The following PLEKHM2 variants were observed in gnomAD, a reference collection of about 807,000 sequenced individuals.
PLEKHM2 encodes the protein pleckstrin homology domain-containing family M member 2.
PLEKHM2 carries 77 observed loss-of-function variants against 116.3 expected under a neutral mutation model. That is an observed-to-expected ratio of 0.66 (90% CI 0.55 to 0.80). PLEKHM2 has a LOEUF of 0.80. Ranked by LOEUF, PLEKHM2 falls within the 30% of genes least tolerant of loss-of-function variation. The pLI, the probability that PLEKHM2 is intolerant of heterozygous loss-of-function variation, is 0.00. For synonymous variants in PLEKHM2, 562 were observed against 571.0 expected, an observed-to-expected ratio of 0.98 and a Z score of 0.22; for missense variants, 1,183 against 1,354.9, an observed-to-expected ratio of 0.87 and a Z score of 1.99.
intron 1 of PLEKHM2, among the ~76,000 whole-genome samples, chr1:15,710,590 G>T (rs1272904736): frequency 6.6e-6 from 1 of 152,030 alleles, no homozygotes; most frequent in East Asian, 2.0e-4. Flanking sequence ...GCCTCCCAAG[G>T]TGCTGGGATT....
intron 8 of PLEKHM2, 82 bp from the exon 9 acceptor site, chr1:15,726,932 C>A: frequency 1.1e-6 from 1 of 895,600 alleles, no homozygotes; most frequent in Non-Finnish European, 1.7e-6. Flanking sequence ...ACATGGCCAG[C>A]ATTGCCACCG....
chr1:15,716,413 C>T (rs1641447892), intron 2 of PLEKHM2, 70 bp downstream of exon 2: 1 of 946,464 alleles, frequency 1.1e-6, no homozygotes. Flanking sequence ...ACAGAGAAAC[C>T]CTTAGCCTCT....
At chr1:15,710,291 A>G (rs969585173) in intron 1 of PLEKHM2, among the ~76,000 whole-genome samples, 8 of 151,962 alleles carry the variant, frequency 5.3e-5, no homozygotes, top group African/African-American at 1.9e-4. Context: ...TTTGATTAAA[A>G]TAATGTACTA....
At position 15,733,896 on chromosome 1, in the gene PLEKHM2, C is replaced by G. The variant is rs747320288; in HGVS notation, c.3022C>G (p.Leu1008Val). ...CAGCGCCTGGCAGCGGAGCGACAGT[C>G]TCTGCCGCGGCCGAGCCTCCCGAGA... is the stretch of plus-strand genomic sequence containing the variant. ...IHSAWQRSDSLCRGRASRDPW... is the reference protein window; with the variant it reads ...IHSAWQRSDSVCRGRASRDPW... The change falls in exon 20 of 20, where the codon CTC becomes GTC. Residue 1008 changes from leucine to valine, a missense_variant. Around this residue, in one of 3 missense-constraint regions of PLEKHM2, gnomAD observed 594 missense variants for 720.1 expected, o/e 0.82. Coordinates refer to ENST00000375799, the MANE Select transcript of PLEKHM2 (RefSeq NM_015164.4). 1.9e-6 allele frequency: 3 copies of G among 1,612,760 alleles called. No individual in the cohort carries two copies.
At chr1:15,707,536 C>T (rs1420265985) in intron 1 of PLEKHM2, among the ~76,000 whole-genome samples, 1 of 152,200 alleles carries the variant, frequency 6.6e-6, no homozygotes, top group African/African-American at 2.4e-5. Flanking sequence ...TGGAGGTGGT[C>T]CCCTAGCCAC....
chr1:15,710,144 G>C (rs576405132), intron 1 of PLEKHM2, among the ~76,000 whole-genome samples: 1 of 149,230 alleles, frequency 6.7e-6, no homozygotes, highest in Non-Finnish European at 1.5e-5. Context: ...GGAGAATGGC[G>C]TAAACCTGGG....
upstream of PLEKHM2, chr1:15,682,939 T>C (rs372893127): frequency 1.3e-5 from 2 of 152,262 alleles, no homozygotes; most frequent in African/African-American, 2.4e-5. Flanking sequence ...GACTGACACC[T>C]CTAAGTGCAG....
intron 1 of PLEKHM2, among the ~76,000 whole-genome samples, chr1:15,686,847 C>T (rs1383738927): frequency 6.6e-6 from 1 of 152,024 alleles, no homozygotes; most frequent in East Asian, 1.9e-4. Flanking sequence ...GACGGGGTTT[C>T]ACCATGTTAA....
At position 15,716,770 on chromosome 1, in the gene PLEKHM2, C is replaced by A; in HGVS notation, c.231C>A (p.Ile77=). Residue 77 remains isoleucine, a synonymous_variant, in exon 3 of 20, where the codon ATC becomes ATA. Transcript: ENST00000375799. The part of the protein sequence containing the change: ...LVVHFTRREA[I]KQIEVLQHVA... ...TGCATTTTACTCGGAGAGAGGCCATCAAGCAGATCGAGGTGCTGCAGCACG... is the reference window on the plus strand; with the variant it reads ...TGCATTTTACTCGGAGAGAGGCCATAAAGCAGATCGAGGTGCTGCAGCACG... 6.3e-7 allele frequency: 1 copy of A among 1,577,902 alleles called. No individual in the cohort carries two copies. Among genetic ancestry groups the A allele is most frequent in the Non-Finnish European group, 8.6e-7 (1 of 1,161,678 alleles).
chr1:15,708,249 G>A lies in PLEKHM2; in HGVS notation c.61-7988G>A, dbSNP rs549547502. ...TTTTTCTTTTTTTTTATGGAGTCTC[G>A]CTCTGTCGCCAGGCTGGAGTGCAGT... On this transcript the variant is annotated intron_variant, in intron 1 of 19. Transcript: ENST00000375799. 5.4e-5 allele frequency among the ~76,000 whole-genome samples: 8 copies of A among 148,016 alleles called. No homozygotes were observed. In the East Asian group the frequency reaches 1.4e-3, roughly 27 times the overall value.
At chr1:15,707,475 C>G (rs991229495) in intron 1 of PLEKHM2, among the ~76,000 whole-genome samples, 2 of 152,166 alleles carry the variant, frequency 1.3e-5, no homozygotes, top group Admixed American at 1.3e-4. Context: ...ACAGGTGACA[C>G]GTGAGCCGAT....
At chr1:15,692,481 C>T (rs750408835) in intron 1 of PLEKHM2, among the ~76,000 whole-genome samples, 6 of 152,166 alleles carry the variant, frequency 3.9e-5, no homozygotes, top group Non-Finnish European at 5.9e-5. Flanking sequence ...GTCCCTAACC[C>T]GGAAACCATG....
In PLEKHM2 at chr1:15,727,154, GGCGGGACTCGCCAGACACTAT is replaced by G. The variant is rs771085542; in HGVS notation, c.1085_1105del (p.Arg362_Met368del). The G allele has an allele frequency of 3.5e-5, 56 of 1,598,712 alleles. No individual in the cohort carries two copies. The highest frequency in any genetic ancestry group is 4.7e-5 in the Non-Finnish European group (55 of 1,172,222). ...AGCCGCAACGGCAGCCCAAGCCTTG[GGCGGGACTCGCCAGACACTAT>G]GCTTGCCTCCCCCCAGGAGGAGGGA... On this transcript the variant is annotated inframe_deletion, in exon 9 of 20. Transcript: ENST00000375799. The surrounding 1 kb of genome is among the most constrained non-coding windows in gnomAD (Gnocchi z 7.5).
chr1:15,731,051 C>A, intron 15 of PLEKHM2, 141 bp from the exon 16 acceptor site: 1 of 685,268 alleles, frequency 1.5e-6, no homozygotes, highest in South Asian at 1.6e-5. Context: ...ACCCTGCCTT[C>A]CGTAGATGAC....
chr1:15,707,488 G>T (rs954824479), intron 1 of PLEKHM2, among the ~76,000 whole-genome samples: 1 of 152,198 alleles, frequency 6.6e-6, no homozygotes, highest in African/African-American at 2.4e-5. Flanking sequence ...GAGCCGATGG[G>T]AGTGGCTGTG....
At chr1:15,698,527 CTTTTTCTTTCTTTCTTTCTTTCTTT>C (rs1294433140) in intron 1 of PLEKHM2, among the ~76,000 whole-genome samples, 4 of 142,934 alleles carry the variant, frequency 2.8e-5, no homozygotes, top group Non-Finnish European at 6.0e-5. Flanking sequence ...GTTTTTCTTT[CTTTTTCTTTCTTTCTTTCTTTCTTT>C]TTTTTTTTTT....
In PLEKHM2 at chr1:15,729,776, C is replaced by G. The variant is rs184406223; in HGVS notation, c.2076-21C>G. The G allele has an allele frequency of 1.8e-5, 29 of 1,602,016 alleles. No individual in the cohort carries two copies. In the East Asian group the frequency reaches 6.3e-4, roughly 35 times the overall value. ...GGCCCTGTTCCCAGGCCTCTAACCA[C>G]AAACCTCACTCCCTATGCAGGTTCT... On this transcript the variant is annotated intron_variant, in intron 13 of 19. Coordinates refer to ENST00000375799, the MANE Select transcript of PLEKHM2 (RefSeq NM_015164.4). The surrounding 1 kb of genome is among the most constrained non-coding windows in gnomAD (Gnocchi z 4.7).
In PLEKHM2 at chr1:15,725,346, C is replaced by G; in HGVS notation, c.742C>G (p.Pro248Ala). 1 of 1,551,188 alleles carries G rather than the reference C, an allele frequency of 6.4e-7. No individual in the cohort carries two copies. The highest frequency in any genetic ancestry group is 8.7e-7 in the Non-Finnish European group (1 of 1,146,880). Residue 248 changes from proline to alanine, a missense_variant, in exon 8 of 20, where the codon CCC (proline) becomes GCC (alanine). Coordinates refer to ENST00000375799, the MANE Select transcript of PLEKHM2 (RefSeq NM_015164.4). ...AGACCTCACAGACACGGTCAGTGGTCCCCGCTCCACAGCCTCCGACCTGAC... is the reference window on the plus strand; with the variant it reads ...AGACCTCACAGACACGGTCAGTGGTGCCCGCTCCACAGCCTCCGACCTGAC... Reference protein sequence around the residue: ...DGDLTDTVSGPRSTASDLTSS... With the variant: ...DGDLTDTVSGARSTASDLTSS...
At position 15,694,756 on chromosome 1, in the gene PLEKHM2, G is replaced by T. The variant is rs958158312; in HGVS notation, c.60+10138G>T. ...TCCTCCATGCTGTGTATTTTGTTTTGTTTTTTTTTTTTGTTTTTTGAGACA... is the reference window on the plus strand; with the variant it reads ...TCCTCCATGCTGTGTATTTTGTTTTTTTTTTTTTTTTTGTTTTTTGAGACA... On this transcript the variant is annotated intron_variant, in intron 1 of 19. Coordinates refer to ENST00000375799, the MANE Select transcript of PLEKHM2 (RefSeq NM_015164.4). Among the ~76,000 whole-genome samples, 103 of 144,368 alleles carry T rather than the reference G, an allele frequency of 7.1e-4. 1 individual carries two copies. The highest frequency in any genetic ancestry group is 7.0e-3 in the Middle Eastern group (2 of 286). The allele number at this position is 144,368 out of a possible 152,430, so 94.7% of individuals were successfully genotyped here.
Sources: gnomAD v4.1 joint callset for allele counts (sites outside exome capture counted in the v4.1 genomes callset) on GRCh38, gnomAD v4.1.1 for gene constraint, gnomAD v4.1.1 regional missense constraint, Gnocchi (gnomAD v3.1) non-coding constraint, MANE v1.5 for transcripts, NCBI Gene and HGNC (gene_info 2026-07-23, HGNC 2026-07-21) for gene names.